ELAPOR2: variants seen among roughly 807,000 people sequenced by gnomAD.
ELAPOR2 encodes endosome-lysosome associated apoptosis and autophagy regulator family member 2.
Under a neutral mutation model 120.7 loss-of-function variants are expected in ELAPOR2, and 89 were observed. That is an observed-to-expected ratio of 0.74 (90% confidence interval 0.62 to 0.88). The LOEUF (loss-of-function observed/expected upper bound fraction) is 0.88, where lower values mean the gene tolerates loss of function less well. ELAPOR2 is among the 40% of genes least tolerant of loss of function. The probability of loss-of-function intolerance (pLI) is 0.00; values close to 1 mark genes in which losing one functional copy is unlikely to be tolerated. For missense variants in ELAPOR2, 1,134 were observed against 1,251.6 expected (o/e 0.91, Z 1.42); for synonymous variants, 444 against 444.9 (o/e 1.00, Z 0.03).
intron 15 of ELAPOR2, 110 bp downstream of exon 15, chr7:86,911,961 CT>C: frequency 8.8e-7 from 1 of 1,140,380 alleles, no homozygotes. Context: ...ACCTCAGTTT[CT>C]GACACTTGGT....
chr7:87,050,360 G>A (rs11766407), intron 1 of ELAPOR2, among the ~76,000 whole-genome samples: 86,040 of 151,880 alleles, frequency 0.57, 25,062 homozygotes, highest in East Asian at 0.76. Context: ...CTTTGCAATA[G>A]TGAGTTCTCA....
intron 21 of ELAPOR2, among the ~76,000 whole-genome samples, chr7:86,885,795 A>C (rs1001342821): frequency 1.2e-4 from 19 of 152,180 alleles, no homozygotes; most frequent in African/African-American, 3.6e-4. Context: ...CTATGTGTCC[A>C]TTCAAGATAG....
At chr7:87,047,286 C>A (rs959801839) in intron 1 of ELAPOR2, among the ~76,000 whole-genome samples, 2 of 152,162 alleles carry the variant, frequency 1.3e-5, no homozygotes, top group African/African-American at 2.4e-5. Flanking sequence ...GCAAAAATTT[C>A]TTGAGCAATA....
chr7:86,939,981 G>T, intron 6 of ELAPOR2, 29 bp downstream of exon 6: 1 of 1,360,350 alleles, frequency 7.4e-7, no homozygotes, highest in Non-Finnish European at 1.0e-6. Context: ...TGTGACTGGT[G>T]ACTACTAAAA....
intron 1 of ELAPOR2, among the ~76,000 whole-genome samples, chr7:86,991,240 T>C (rs1635035): frequency 0.38 from 57,556 of 152,078 alleles, 11,740 homozygotes; most frequent in African/African-American, 0.53. Context: ...TATCAGGTGA[T>C]TGATGTATCA....
intron 1 of ELAPOR2, among the ~76,000 whole-genome samples, chr7:86,983,537 T>C (rs907561501): frequency 1.3e-5 from 2 of 152,190 alleles, no homozygotes; most frequent in African/African-American, 4.8e-5. Flanking sequence ...ATATTCAACA[T>C]TCTTAAAGAA....
chr7:86,985,049 A>AT (rs1792665890), intron 1 of ELAPOR2, among the ~76,000 whole-genome samples: 1 of 152,156 alleles, frequency 6.6e-6, no homozygotes, highest in African/African-American at 2.4e-5. Context: ...AAAGAATATT[A>AT]TAAACACCTG....
At chr7:87,059,201 A>T in intron 1 of ELAPOR2, 124 bp downstream of exon 1, 1 of 1,217,336 alleles carries the variant, frequency 8.2e-7, no homozygotes, top group Admixed American at 4.3e-5. Context: ...AGCAAACGAA[A>T]GCCCCTGTTC....
At chr7:87,007,207 A>G (rs1435593396) in intron 1 of ELAPOR2, among the ~76,000 whole-genome samples, 2 of 152,196 alleles carry the variant, frequency 1.3e-5, no homozygotes, top group African/African-American at 4.8e-5. Flanking sequence ...TACCTCAAAA[A>G]AGTAAACAAA....
At chr7:87,027,896 A>G (rs1254970225) in intron 1 of ELAPOR2, among the ~76,000 whole-genome samples, 3 of 152,160 alleles carry the variant, frequency 2.0e-5, no homozygotes, top group Admixed American at 1.3e-4. Context: ...AAGAGGGGGG[A>G]AAAGTCATGT....
At chr7:87,013,343 G>A (rs1793758178) in intron 1 of ELAPOR2, among the ~76,000 whole-genome samples, 2 of 152,044 alleles carry the variant, frequency 1.3e-5, no homozygotes, top group African/African-American at 4.8e-5. Flanking sequence ...GGAAAATACT[G>A]TCATAAAGAC....
At chr7:87,030,907 G>T (rs1381308309) in intron 1 of ELAPOR2, among the ~76,000 whole-genome samples, 1 of 152,128 alleles carries the variant, frequency 6.6e-6, no homozygotes, top group Non-Finnish European at 1.5e-5. Flanking sequence ...CCACATGGCT[G>T]GGGAGGCCTC....
intron 3 of ELAPOR2, among the ~76,000 whole-genome samples, chr7:86,945,623 T>C (rs1371245413): frequency 6.6e-6 from 1 of 152,186 alleles, no homozygotes; most frequent in Admixed American, 6.5e-5. Context: ...TGTTTCTAAA[T>C]ATATGGCAAT....
At chr7:86,973,448 A>C (rs920446460) in intron 1 of ELAPOR2, among the ~76,000 whole-genome samples, 1 of 152,104 alleles carries the variant, frequency 6.6e-6, no homozygotes, top group Non-Finnish European at 1.5e-5. Context: ...TATGATAACA[A>C]ATCACTGTGT....
intron 1 of ELAPOR2, among the ~76,000 whole-genome samples, chr7:87,017,284 C>T (rs1793900843): frequency 6.6e-6 from 1 of 152,118 alleles, no homozygotes; most frequent in Non-Finnish European, 1.5e-5. Flanking sequence ...TTTACTATCA[C>T]ATTGTTTATT....
At chr7:87,011,344 G>A (rs555762849) in intron 1 of ELAPOR2, among the ~76,000 whole-genome samples, 11 of 151,548 alleles carry the variant, frequency 7.3e-5, no homozygotes, top group African/African-American at 2.4e-4. Flanking sequence ...ATTAAACAAA[G>A]TAATAAAGGA....
chr7:86,987,851 A>T (rs543029508), intron 1 of ELAPOR2, among the ~76,000 whole-genome samples: 1 of 152,350 alleles, frequency 6.6e-6, no homozygotes, highest in East Asian at 1.9e-4. Flanking sequence ...TACTGGGTAT[A>T]TACCCAAAGG....
intron 10 of ELAPOR2, among the ~76,000 whole-genome samples, chr7:86,924,615 T>C (rs890842660): frequency 1.3e-5 from 2 of 152,028 alleles, no homozygotes; most frequent in East Asian, 1.9e-4. Flanking sequence ...TAATGAAGAC[T>C]AGCTCACATT....
chr7:87,045,801 AC>A lies in ELAPOR2; in HGVS notation c.189+13523del, dbSNP rs376586324. Among the ~76,000 whole-genome samples, 309 of 151,678 alleles carry A rather than the reference AC, an allele frequency of 2.0e-3. 2 individuals are homozygous for A. The highest frequency in any genetic ancestry group is 7.1e-3 in the African/African-American group (293 of 41,466). Reference sequence around the variant, plus strand: ...AAAATATATATAAAAAAAGGAACATACCTCAACGTAATAAAAGCCATATAAA... The same window carrying A: ...AAAATATATATAAAAAAAGGAACATACTCAACGTAATAAAAGCCATATAAA... On this transcript the variant is annotated intron_variant, in intron 1 of 21. Coordinates refer to ENST00000450689, the MANE Select transcript of ELAPOR2 (RefSeq NM_001142749.3).
Sources: allele counts gnomAD v4.1 joint callset (sites outside exome capture counted in the v4.1 genomes callset), GRCh38; gene constraint gnomAD v4.1.1; transcripts MANE v1.5; gene names NCBI Gene and HGNC (gene_info 2026-07-23, HGNC 2026-07-21).